FHL2: variants seen among roughly 807,000 people sequenced by gnomAD.
FHL2 encodes the protein four and a half LIM domains protein 2.
In FHL2, 20 loss-of-function variants were observed where a neutral mutation model predicts 32.7. That is an observed-to-expected ratio of 0.61 (90% CI 0.43 to 0.89). The LOEUF (loss-of-function observed/expected upper bound fraction) is 0.89, where lower values mean the gene tolerates loss of function less well. FHL2 is among the 40% of genes least tolerant of loss of function. The pLI, the probability that FHL2 is intolerant of heterozygous loss-of-function variation, is 0.00. For synonymous variants in FHL2, 123 were observed against 128.1 expected, an observed-to-expected ratio of 0.96 and a Z score of 0.27; for missense variants, 311 against 358.6, an observed-to-expected ratio of 0.87 and a Z score of 1.07.
At chr2:105,362,045 C>T (rs1680310571) in intron 6 of FHL2, among the ~76,000 whole-genome samples, 1 of 152,188 alleles carries the variant, frequency 6.6e-6, no homozygotes, top group Non-Finnish European at 1.5e-5. Context: ...CTCAGTGCCA[C>T]AATAACCACA....
intron 6 of FHL2, among the ~76,000 whole-genome samples, chr2:105,361,778 G>A (rs2576731): frequency 0.14 from 21,054 of 152,240 alleles, 1,815 homozygotes; most frequent in South Asian, 0.24. Context: ...GGTGCCTCAC[G>A]TTGCCTGGTG....
chr2:105,392,782 A>G (rs2104611392), intron 2 of FHL2, among the ~76,000 whole-genome samples: 1 of 150,970 alleles, frequency 6.6e-6, no homozygotes, highest in East Asian at 2.0e-4. Context: ...ATGAGGCAGA[A>G]GAGAGGCAAG....
At chr2:105,417,684 C>CAAAAAAAAA (rs11353319) in intron 1 of FHL2, among the ~76,000 whole-genome samples, 2 of 89,392 alleles carry the variant, frequency 2.2e-5, no homozygotes, top group Admixed American at 1.3e-4. Flanking sequence ...ACTCCATCTC[C>CAAAAAAAAA]AAAAAAAAAA....
At chr2:105,399,412 C>A (rs909811209), upstream of FHL2, 1 of 1,536,106 alleles carries the variant, frequency 6.5e-7, no homozygotes, top group Non-Finnish European at 8.7e-7. Flanking sequence ...AGCCCCAGGA[C>A]GTGCCGGGGG....
intron 1 of FHL2, among the ~76,000 whole-genome samples, chr2:105,432,942 C>G (rs540518210): frequency 1.4e-3 from 214 of 152,316 alleles, no homozygotes; most frequent in African/African-American, 5.0e-3. Flanking sequence ...AGAGAAACTT[C>G]TAGCTCCTTC....
At chr2:105,392,400 A>G (rs1316490719) in intron 2 of FHL2, among the ~76,000 whole-genome samples, 3 of 152,144 alleles carry the variant, frequency 2.0e-5, no homozygotes, top group Non-Finnish European at 4.4e-5. Flanking sequence ...TGAGCCCAGG[A>G]GGTCGAGGCT....
At chr2:105,380,326 T>C (rs1681797044) in intron 3 of FHL2, among the ~76,000 whole-genome samples, 1 of 152,174 alleles carries the variant, frequency 6.6e-6, no homozygotes, top group African/African-American at 2.4e-5. Context: ...CTCTGAATCT[T>C]TACCTGTGAA....
intron 3 of FHL2, among the ~76,000 whole-genome samples, chr2:105,382,914 C>A (rs2104572688): frequency 6.6e-6 from 1 of 152,264 alleles, no homozygotes; most frequent in East Asian, 1.9e-4. Flanking sequence ...AAGATGGAGT[C>A]TTGCTCTGTC....
At position 105,361,978 on chromosome 2, in the gene FHL2, A is replaced by T. The variant is rs368857678; in HGVS notation, c.689-544T>A. 2.1e-3 allele frequency among the ~76,000 whole-genome samples: 323 copies of T among 152,344 alleles called. 1 individual carries two copies. Among genetic ancestry groups the T allele is most frequent in the African/African-American group, 7.4e-3 (306 of 41,564 alleles). On this transcript the variant is annotated intron_variant, in intron 6 of 6. Transcript: ENST00000530340. ...GCAGACAGATAGAATGGAATCAAATATTTAAGGTACATTGGTCCGTGATTA... is the reference window on the plus strand; with the variant it reads ...GCAGACAGATAGAATGGAATCAAATTTTTAAGGTACATTGGTCCGTGATTA...
chr2:105,434,510 G>A (rs1684529060), intron 1 of FHL2, among the ~76,000 whole-genome samples: 1 of 152,088 alleles, frequency 6.6e-6, no homozygotes, highest in Non-Finnish European at 1.5e-5. Flanking sequence ...GGAGGTTGCA[G>A]TGAGCTGAGA....
chr2:105,376,344 G>A (rs1681471340), intron 3 of FHL2: 1 of 152,140 alleles, frequency 6.6e-6, no homozygotes, highest in Non-Finnish European at 1.5e-5. Flanking sequence ...TTGAGGAGAT[G>A]TGTGTGTGTG....
chr2:105,404,001 T>G, upstream of FHL2, among the ~76,000 whole-genome samples: 1 of 151,706 alleles, frequency 6.6e-6, no homozygotes, highest in South Asian at 2.1e-4. Flanking sequence ...TGTGGTGGGG[T>G]CGTGGGGGGG....
chr2:105,370,317 G>C (rs181573247), intron 4 of FHL2, among the ~76,000 whole-genome samples: 1 of 152,144 alleles, frequency 6.6e-6, no homozygotes, highest in East Asian at 1.9e-4. Flanking sequence ...CAAGGCTGCA[G>C]TGAGCAGTGA....
chr2:105,377,867 T>C (rs959991908), intron 3 of FHL2: 4 of 362,382 alleles, frequency 1.1e-5, no homozygotes, highest in African/African-American at 6.4e-5. Context: ...TCTGGGAAGA[T>C]AGTTGCTTTT....
intron 1 of FHL2, among the ~76,000 whole-genome samples, chr2:105,424,704 G>T (rs1478462578): frequency 6.6e-6 from 1 of 152,156 alleles, no homozygotes; most frequent in Non-Finnish European, 1.5e-5. Context: ...GCCATAAAAA[G>T]GATAAGTTCA....
chr2:105,427,631 C>T (rs1281740187), intron 1 of FHL2, among the ~76,000 whole-genome samples: 1 of 152,144 alleles, frequency 6.6e-6, no homozygotes, highest in Non-Finnish European at 1.5e-5. Flanking sequence ...ATTGGTCTGC[C>T]TCAAAAGAAA....
chr2:105,391,035 G>A (rs1682694049), intron 2 of FHL2, among the ~76,000 whole-genome samples: 1 of 151,346 alleles, frequency 6.6e-6, no homozygotes, highest in Non-Finnish European at 1.5e-5. Context: ...GTTTCACCAT[G>A]TTGGCCAGAC....
At position 105,389,547 on chromosome 2, in the gene FHL2, C is replaced by T. The variant is rs992057078; in HGVS notation, c.-24-3007G>A. 5.3e-5 allele frequency among the ~76,000 whole-genome samples: 8 copies of T among 152,274 alleles called. No homozygotes were observed. In the East Asian group the frequency reaches 5.8e-4, roughly 11 times the overall value. The stretch of plus-strand genomic sequence containing the variant: ...TGAAAGGACAGAGAACTATAAATTG[C>T]GGAATTGTAAAAGCTGGAAACAAAT... On this transcript the variant is annotated intron_variant, in intron 2 of 6. Coordinates refer to ENST00000530340, the MANE Select transcript of FHL2 (RefSeq NM_001318895.3).
At chr2:105,419,883 GA>G (rs1471524762) in intron 1 of FHL2, among the ~76,000 whole-genome samples, 9 of 152,136 alleles carry the variant, frequency 5.9e-5, no homozygotes, top group African/African-American at 2.2e-4. Flanking sequence ...GAAGGTTGAG[GA>G]AAAGTTTTAT....
Sources: allele counts gnomAD v4.1 joint callset (sites outside exome capture counted in the v4.1 genomes callset), GRCh38; gene constraint gnomAD v4.1.1; transcripts MANE v1.5; gene names NCBI Gene and HGNC (gene_info 2026-07-23, HGNC 2026-07-21).